Variants in DYNC2LI1 observed in about 807,000 individuals in gnomAD.
DYNC2LI1 encodes cytoplasmic dynein 2 light intermediate chain 1.
A neutral mutation model predicts 51.9 loss-of-function variants in DYNC2LI1; 45 were observed. That is an observed-to-expected ratio of 0.87 (90% CI 0.68 to 1.11). The LOEUF is 1.11. Ranked by LOEUF, DYNC2LI1 falls within the 50% of genes most tolerant of loss-of-function variation. The pLI is 0.00. For missense variants in DYNC2LI1, 490 were observed against 417.4 expected (o/e 1.17, Z -1.51); for synonymous variants, 130 against 137.8 (o/e 0.94, Z 0.40).
chr2:43,826,498 T>A, the DYNC2LI1 span: 1 of 1,614,184 alleles, frequency 6.2e-7, no homozygotes, highest in Non-Finnish European at 8.5e-7. Context: ...AGGCCTGTGG[T>A]TGGCTCATCA....
At chr2:43,780,683 T>C (rs745877440) in intron 2 of DYNC2LI1, among the ~76,000 whole-genome samples, 9 of 151,982 alleles carry the variant, frequency 5.9e-5, no homozygotes, top group Non-Finnish European at 1.0e-4. Context: ...GCTGAAGTCA[T>C]AGAGTGGAAG....
intron 8 of DYNC2LI1, among the ~76,000 whole-genome samples, chr2:43,797,438 T>TGTTGG (rs1178465994): frequency 3.3e-5 from 5 of 151,808 alleles, no homozygotes; most frequent in Non-Finnish European, 7.4e-5. Context: ...TGTTGGTTAT[T>TGTTGG]ATATCACTGT....
intron 5 of DYNC2LI1, chr2:43,792,614 G>A (rs910221235): frequency 5.5e-6 from 8 of 1,466,856 alleles, no homozygotes; most frequent in Admixed American, 5.3e-5. Flanking sequence ...AGAACTTTTT[G>A]ATCTTCTCAA....
intron 1 of DYNC2LI1, chr2:43,775,585 C>A: frequency 4.0e-6 from 1 of 247,938 alleles, no homozygotes; most frequent in Non-Finnish European, 7.9e-6. Flanking sequence ...GCAGCCTCGA[C>A]CTCCAGGGCT....
At chr2:43,827,240 G>A in the DYNC2LI1 span, among the ~76,000 whole-genome samples, 4 of 151,288 alleles carry the variant, frequency 2.6e-5, no homozygotes, top group East Asian at 1.9e-4. Context: ...CAGGAGAATC[G>A]CTTCAACCTG....
chr2:43,820,088 T>G, the DYNC2LI1 span: 1 of 1,613,884 alleles, frequency 6.2e-7, no homozygotes, highest in South Asian at 1.1e-5. Context: ...CCTCAGGATG[T>G]AAGCCCAGCG....
At position 43,785,948 on chromosome 2, in the gene DYNC2LI1, T is replaced by A. The variant is rs189207661; in HGVS notation, c.162-1233T>A. ...ACTGAATTGTACACTTAAAAATAGG[T>A]AAGATAAATTCTATTTTATGTGTTC... On this transcript the variant is annotated intron_variant, in intron 3 of 12. Transcript: ENST00000260605. Among the ~76,000 whole-genome samples, 131 of 152,102 alleles carry A rather than the reference T, an allele frequency of 8.6e-4. 1 individual carries two copies. The highest frequency in any genetic ancestry group is 1.5e-3 in the Non-Finnish European group (102 of 67,972).
downstream of DYNC2LI1, chr2:43,812,459 T>A (rs1187364072): frequency 1.3e-5 from 2 of 152,186 alleles, no homozygotes; most frequent in African/African-American, 4.8e-5. Context: ...GAGGTTTGTC[T>A]GGTGTGCTTT....
At chr2:43,794,796 A>G in intron 6 of DYNC2LI1, 153 bp downstream of exon 6, 1 of 1,490,682 alleles carries the variant, frequency 6.7e-7, no homozygotes, top group Non-Finnish European at 8.9e-7. Context: ...CAATTTATTA[A>G]AACCTCAGTA....
Position 43,792,487 on chromosome 2 carries a change from C to T in DYNC2LI1, c.321-1970C>T, listed in dbSNP as rs28483979. ...ATTATAACCATTTTTAAAAATACTC[C>T]TAGATTTACAAATGTTTAGTTTTTA... is the stretch of plus-strand genomic sequence containing the variant. On this transcript the variant is annotated intron_variant, in intron 5 of 12. Coordinates refer to ENST00000260605, the MANE Select transcript of DYNC2LI1 (RefSeq NM_016008.4). 4.5e-3 allele frequency among the ~76,000 whole-genome samples: 686 copies of T among 152,130 alleles called. 4 individuals are homozygous for T. Among genetic ancestry groups the T allele is most frequent in the South Asian group, 0.027 (130 of 4,812 alleles).
At chr2:43,786,739 T>C (rs1324816555) in intron 3 of DYNC2LI1, among the ~76,000 whole-genome samples, 1 of 152,082 alleles carries the variant, frequency 6.6e-6, no homozygotes. Context: ...GGCAGGAGAA[T>C]GGCGTGAACC....
At chr2:43,824,526 C>A in the DYNC2LI1 span, 2 of 1,594,170 alleles carry the variant, frequency 1.3e-6, no homozygotes, top group Non-Finnish European at 8.5e-7. Context: ...GGCCATAATA[C>A]CTCATCCCAT....
chr2:43,795,247 T>C, intron 6 of DYNC2LI1: 2 of 957,406 alleles, frequency 2.1e-6, no homozygotes, highest in South Asian at 4.8e-5. Context: ...GGCTCATGCT[T>C]GTAATCCCAG....
chr2:43,813,263 A>G (rs1325054625), downstream of DYNC2LI1: 2 of 1,613,962 alleles, frequency 1.2e-6, no homozygotes, highest in South Asian at 2.2e-5. Flanking sequence ...GAATTCCTTG[A>G]GTGAAGGCAC....
the DYNC2LI1 span, chr2:43,828,246 C>A: frequency 3.5e-5 from 43 of 1,213,860 alleles, no homozygotes; most frequent in Non-Finnish European, 4.3e-5. Flanking sequence ...ACTCACCACA[C>A]CCTGGGGAAA....
chr2:43,787,206 G>A lies in DYNC2LI1; in HGVS notation c.187G>A (p.Ala63Thr), dbSNP rs374145678. The A allele has an allele frequency of 5.6e-6, 9 of 1,613,242 alleles. No individual in the cohort carries two copies. Among genetic ancestry groups the A allele is most frequent in the African/African-American group, 1.3e-5 (1 of 74,920 alleles). ...AGATGAACCACCAAAACCAACCTTAGCTTTGGAATATACATATGGAAGAAG... is the reference window on the plus strand; with the variant it reads ...AGATGAACCACCAAAACCAACCTTAACTTTGGAATATACATATGGAAGAAG... ...DRDEPPKPTL[A>T]LEYTYGRRAK... Residue 63 changes from alanine to threonine, a missense_variant, in exon 4 of 13, where the codon GCT becomes ACT. Physicochemically the swap from Ala to Thr is moderately conservative, Grantham distance 58 (BLOSUM62 0). Coordinates refer to ENST00000260605, the MANE Select transcript of DYNC2LI1 (RefSeq NM_016008.4).
intron 2 of DYNC2LI1, among the ~76,000 whole-genome samples, chr2:43,778,851 A>G (rs962326813): frequency 6.6e-6 from 1 of 152,124 alleles, no homozygotes; most frequent in Non-Finnish European, 1.5e-5. Flanking sequence ...TGATGGCAAT[A>G]TGTGGCATAT....
At chr2:43,827,659 G>T in the DYNC2LI1 span, among the ~76,000 whole-genome samples, 1 of 152,118 alleles carries the variant, frequency 6.6e-6, no homozygotes, top group South Asian at 2.1e-4. Flanking sequence ...GCTTTCCCCA[G>T]CCCACACAGT....
At chr2:43,821,272 C>G in the DYNC2LI1 span, among the ~76,000 whole-genome samples, 2 of 152,158 alleles carry the variant, frequency 1.3e-5, no homozygotes, top group African/African-American at 4.8e-5. Context: ...TTTATAGCAT[C>G]TGGACCAGAG....
Sources: allele counts gnomAD v4.1 joint callset (sites outside exome capture counted in the v4.1 genomes callset), GRCh38; gene constraint gnomAD v4.1.1; transcripts MANE v1.5; gene names NCBI Gene and HGNC (gene_info 2026-07-23, HGNC 2026-07-21).